Variants in FYB1 observed in about 807,000 individuals in gnomAD.
FYB1 encodes FYN-binding protein 1.
A neutral mutation model predicts 94.1 loss-of-function variants in FYB1; 41 were observed. That is an observed-to-expected ratio of 0.44 (90% CI 0.34 to 0.57). FYB1 has a LOEUF of 0.57. FYB1 is among the 20% of genes least tolerant of loss of function. The probability of loss-of-function intolerance (pLI) is 0.02; values close to 1 mark genes in which losing one functional copy is unlikely to be tolerated. For missense variants in FYB1, 1,050 were observed against 976.8 expected, an observed-to-expected ratio of 1.07 and a Z score of -1.00; for synonymous variants, 367 against 353.2, an observed-to-expected ratio of 1.04 and a Z score of -0.44.
intron 1 of FYB1, among the ~76,000 whole-genome samples, chr5:39,271,239 T>TA (rs34587652): frequency 3.3e-5 from 5 of 151,046 alleles, no homozygotes; most frequent in East Asian, 1.9e-4. Context: ...TTCATTTCCC[T>TA]AAAAAAAAAG....
At chr5:39,131,666 C>T (rs1465184254) in intron 9 of FYB1, among the ~76,000 whole-genome samples, 1 of 152,198 alleles carries the variant, frequency 6.6e-6, no homozygotes. Context: ...TGTCTGCTTG[C>T]TTATGTACCA....
intron 10 of FYB1, 135 bp downstream of exon 10, chr5:39,130,455 T>A: frequency 2.9e-6 from 2 of 680,492 alleles, no homozygotes; most frequent in Non-Finnish European, 5.2e-6. Flanking sequence ...ATGCTCATGA[T>A]GATGGATAGC....
intron 16 of FYB1, chr5:39,110,870 G>A (rs1219733077): frequency 1.3e-5 from 4 of 302,472 alleles, no homozygotes; most frequent in Non-Finnish European, 2.5e-5. Flanking sequence ...ATCCCAGCCA[G>A]CTATTGACTA....
rs56887056 is a variant in FYB1, at chr5:39,124,915, C to CCACACACACACACACACA, written c.2046-655_2046-638dup. Among the ~76,000 whole-genome samples the CCACACACACACACACACA allele has an allele frequency of 8.8e-4, 123 of 139,548 alleles. 1 individual carries two copies. The highest frequency in any genetic ancestry group is 3.6e-3 in the Middle Eastern group (1 of 280). 91.5% of individuals were successfully genotyped at this position (139,548 alleles called of 152,430 possible). A position where few individuals can be genotyped will look rare whatever the true frequency, so the allele number is the denominator to read the frequency against. On this transcript the variant is annotated intron_variant, in intron 12 of 18. Transcript: ENST00000512982. ...CTGAAATATGACTTCTAAATACACTCCACACACACACACACACACACACAC... is the reference window on the plus strand; with the variant it reads ...CTGAAATATGACTTCTAAATACACTCCACACACACACACACACACACACACACACACACACACACACAC...
chr5:39,254,404 G>A (rs1579792357), intron 1 of FYB1, among the ~76,000 whole-genome samples: 1 of 152,294 alleles, frequency 6.6e-6, no homozygotes, highest in East Asian at 1.9e-4. Flanking sequence ...GGTGTGAGAT[G>A]ATATCTTACT....
chr5:39,185,627 CATAT>C (rs551230213), intron 2 of FYB1, among the ~76,000 whole-genome samples: 17 of 140,100 alleles, frequency 1.2e-4, no homozygotes, highest in African/African-American at 4.8e-4. Flanking sequence ...TATATACACA[CATAT>C]ATATATATAT....
intron 1 of FYB1, among the ~76,000 whole-genome samples, chr5:39,211,750 A>AT (rs1182534588): frequency 2.0e-5 from 3 of 152,086 alleles, no homozygotes; most frequent in African/African-American, 7.2e-5. Flanking sequence ...GTTATGCTTT[A>AT]TTTTTTCCCT....
At chr5:39,169,242 G>T in intron 2 of FYB1, 3 of 1,121,100 alleles carry the variant, frequency 2.7e-6, no homozygotes, top group Admixed American at 1.7e-5. Context: ...GTGCATTTCT[G>T]GTGTATAAGT....
chr5:39,170,176 G>A, intron 2 of FYB1: 1 of 778,040 alleles, frequency 1.3e-6, no homozygotes, highest in Non-Finnish European at 2.3e-6. Flanking sequence ...TGTCAAATCT[G>A]TATTTGAACT....
At chr5:39,271,937 G>C (rs1390298343) in intron 1 of FYB1, among the ~76,000 whole-genome samples, 1 of 152,156 alleles carries the variant, frequency 6.6e-6, no homozygotes, top group Non-Finnish European at 1.5e-5. Context: ...ACATTTTCCA[G>C]AATGCTTTGA....
intron 16 of FYB1, among the ~76,000 whole-genome samples, chr5:39,116,843 CAA>C (rs5867442): frequency 5.4e-5 from 8 of 149,196 alleles, no homozygotes; most frequent in Admixed American, 1.3e-4. Flanking sequence ...AAAAAATAAG[CAA>C]AAAAAAAAAG....
intron 16 of FYB1, among the ~76,000 whole-genome samples, chr5:39,114,568 A>G (rs1317397861): frequency 6.6e-6 from 1 of 152,228 alleles, no homozygotes; most frequent in Non-Finnish European, 1.5e-5. Context: ...GTGCTGGGTT[A>G]CAAATGCAAA....
chr5:39,144,433 C>CA (rs1274197379), intron 3 of FYB1, among the ~76,000 whole-genome samples: 3 of 152,074 alleles, frequency 2.0e-5, no homozygotes, highest in Non-Finnish European at 4.4e-5. Context: ...ATAGTATCCA[C>CA]AAACAACTTG....
At chr5:39,252,245 AC>A (rs1485107178) in intron 1 of FYB1, among the ~76,000 whole-genome samples, 1 of 151,290 alleles carries the variant, frequency 6.6e-6, no homozygotes, top group African/African-American at 2.4e-5. Context: ...TCTAAAGATA[AC>A]AAAAACAGGG....
chr5:39,224,458 C>A (rs1013035104), upstream of FYB1, among the ~76,000 whole-genome samples: 1 of 152,140 alleles, frequency 6.6e-6, no homozygotes, highest in Non-Finnish European at 1.5e-5. Flanking sequence ...GGAGTCCACG[C>A]CTTTCTGGAA....
chr5:39,263,943 T>A (rs997925314), intron 1 of FYB1, among the ~76,000 whole-genome samples: 3 of 152,132 alleles, frequency 2.0e-5, no homozygotes, highest in Non-Finnish European at 4.4e-5. Context: ...AACAGTATGA[T>A]CAAATTCCAG....
chr5:39,217,905 C>G (rs76278782), intron 1 of FYB1, among the ~76,000 whole-genome samples: 1 of 152,154 alleles, frequency 6.6e-6, no homozygotes, highest in African/African-American at 2.4e-5. Context: ...GTTTTTAAAG[C>G]ACATTGAGGC....
At chr5:39,122,770 C>T (rs2070813045) in intron 13 of FYB1, among the ~76,000 whole-genome samples, 1 of 152,028 alleles carries the variant, frequency 6.6e-6, no homozygotes, top group Admixed American at 6.6e-5. Context: ...GAAGTAGAGA[C>T]AGAAATTGAG....
At chr5:39,146,736 A>G (rs775778991) in intron 3 of FYB1, among the ~76,000 whole-genome samples, 15 of 152,216 alleles carry the variant, frequency 9.9e-5, no homozygotes, top group African/African-American at 2.9e-4. Flanking sequence ...CTTGTAGACA[A>G]TGTTTGCCTG....
Sources: gnomAD v4.1 joint callset for allele counts (sites outside exome capture counted in the v4.1 genomes callset) on GRCh38, gnomAD v4.1.1 for gene constraint, MANE v1.5 for transcripts, NCBI Gene and HGNC (gene_info 2026-07-23, HGNC 2026-07-21) for gene names.